ADAMTSL1: variants seen among roughly 807,000 people sequenced by gnomAD.
ADAMTSL1 encodes ADAMTS like 1, also known as ADAMTS-like protein 1.
A neutral mutation model predicts 201.8 loss-of-function variants in ADAMTSL1; 126 were observed. The ratio of observed to expected loss-of-function variants is 0.62; its 90% CI spans 0.54 to 0.72. The LOEUF (loss-of-function observed/expected upper bound fraction) is 0.72. Ranked by LOEUF, ADAMTSL1 falls within the 30% of genes least tolerant of loss-of-function variation. ADAMTSL1 has a pLI of 0.00. For missense variants in ADAMTSL1, 2,679 were observed against 2,277.8 expected (o/e 1.18, Z -3.59); for synonymous variants, 1,121 against 903.4 (o/e 1.24, Z -4.32).
At chr9:18,600,896 C>T (rs909482931) in intron 4 of ADAMTSL1, among the ~76,000 whole-genome samples, 16 of 152,082 alleles carry the variant, frequency 1.1e-4, no homozygotes, top group African/African-American at 2.9e-4. Context: ...ATCTCATTTA[C>T]GTTATTTTTC....
rs1822367835 is a variant in ADAMTSL1, at chr9:18,795,506, A to G, written c.3787A>G (p.Ile1263Val). The change falls in exon 20 of 29, where the codon ATT becomes GTT. Residue 1263 changes from isoleucine (I) to valine (V), a missense_variant. Transcript: ENST00000380548. ...TGCCTTGGGATACGACTCTGTCTCC[A>G]TTGCCGTCACATTAGCAGGTAACCC... ...TNALGYDSVSIAVTLAGKPLV... is the reference protein window; with the variant it reads ...TNALGYDSVSVAVTLAGKPLV... 6.2e-7 allele frequency: 1 copy of G among 1,613,148 alleles called. No homozygotes were observed. Among genetic ancestry groups the G allele is most frequent in the African/African-American group, 1.3e-5 (1 of 75,010 alleles).
At chr9:18,323,683 T>A (rs1056920946) in intron 2 of ADAMTSL1, among the ~76,000 whole-genome samples, 1 of 152,212 alleles carries the variant, frequency 6.6e-6, no homozygotes, top group Admixed American at 6.5e-5. Context: ...CAGTTGTATT[T>A]CTGTATACTA....
intron 1 of ADAMTSL1, among the ~76,000 whole-genome samples, chr9:17,921,284 A>G (rs1826288670): frequency 6.6e-6 from 1 of 152,124 alleles, no homozygotes; most frequent in Non-Finnish European, 1.5e-5. Flanking sequence ...CAACAGCACC[A>G]GGTACCTCCA....
chr9:18,432,835 C>T (rs1819557296), intron 2 of ADAMTSL1, among the ~76,000 whole-genome samples: 1 of 152,124 alleles, frequency 6.6e-6, no homozygotes, highest in South Asian at 2.1e-4. Context: ...TAAAATTATG[C>T]CTGTACCTTT....
At chr9:18,739,529 A>T (rs1177654732) in intron 15 of ADAMTSL1, among the ~76,000 whole-genome samples, 3 of 152,214 alleles carry the variant, frequency 2.0e-5, no homozygotes, top group Non-Finnish European at 2.9e-5. Flanking sequence ...TGAGGGTTTC[A>T]ATTTATTCAG....
intron 23 of ADAMTSL1, among the ~76,000 whole-genome samples, chr9:18,863,562 C>A (rs7039790): frequency 0.19 from 28,709 of 152,106 alleles, 5,506 homozygotes; most frequent in African/African-American, 0.49. Context: ...ATTAAAGTTG[C>A]TTGTCTTCTC....
At chr9:18,734,426 T>C (rs971472857) in intron 15 of ADAMTSL1, among the ~76,000 whole-genome samples, 1 of 152,202 alleles carries the variant, frequency 6.6e-6, no homozygotes, top group Non-Finnish European at 1.5e-5. Flanking sequence ...CTATTTGCTC[T>C]AATCCTTGGG....
At chr9:18,606,185 T>C (rs1162730094) in intron 4 of ADAMTSL1, among the ~76,000 whole-genome samples, 1 of 152,186 alleles carries the variant, frequency 6.6e-6, no homozygotes, top group Non-Finnish European at 1.5e-5. Context: ...GGAGATGTTT[T>C]TCCTCTGTTT....
intron 2 of ADAMTSL1, among the ~76,000 whole-genome samples, chr9:18,333,333 A>G (rs900038315): frequency 6.6e-6 from 1 of 152,086 alleles, no homozygotes; most frequent in African/African-American, 2.4e-5. Flanking sequence ...TTCTCAAGGT[A>G]TCTGATGGTG....
intron 4 of ADAMTSL1, among the ~76,000 whole-genome samples, chr9:18,589,597 A>G (rs1049255129): frequency 4.6e-5 from 7 of 152,156 alleles, no homozygotes; most frequent in African/African-American, 1.4e-4. Context: ...TCTGGCTAAG[A>G]TTTCCAGTAC....
At chr9:18,329,301 C>G (rs920801604) in intron 2 of ADAMTSL1, among the ~76,000 whole-genome samples, 1 of 152,074 alleles carries the variant, frequency 6.6e-6, no homozygotes, top group East Asian at 1.9e-4. Flanking sequence ...TATAATACAC[C>G]CTAGTTTCAG....
rs577560325 is a variant in ADAMTSL1 at position 18,491,665 on chromosome 9, C to T, written c.64-13164C>T. ...ATAAATTAGAAGATGGTAGTCCTTC[C>T]CATATATACAATATCTGGATTATAT... On this transcript the variant is annotated intron_variant, in intron 1 of 28. Coordinates refer to ENST00000380548, the MANE Select transcript of ADAMTSL1 (RefSeq NM_001040272.6). Among the ~76,000 whole-genome samples the T allele has an allele frequency of 1.3e-4, 20 of 152,202 alleles. No homozygotes were observed. In the South Asian group the frequency reaches 4.2e-3, roughly 32 times the overall value.
chr9:18,408,404 G>C (rs1384038624), intron 2 of ADAMTSL1, among the ~76,000 whole-genome samples: 1 of 152,108 alleles, frequency 6.6e-6, no homozygotes, highest in African/African-American at 2.4e-5. Context: ...CCAGGAGACA[G>C]AGGTTGCAGT....
intron 2 of ADAMTSL1, among the ~76,000 whole-genome samples, chr9:18,287,631 G>A (rs377435880): frequency 0.57 from 65,147 of 113,922 alleles, 16,158 homozygotes; most frequent in South Asian, 0.71. Flanking sequence ...ATACATATAC[G>A]CATATATGTA....
At chr9:18,832,390 T>C (rs559638755) in intron 23 of ADAMTSL1, among the ~76,000 whole-genome samples, 1 of 152,264 alleles carries the variant, frequency 6.6e-6, no homozygotes, top group South Asian at 2.1e-4. Flanking sequence ...AACATCAAAC[T>C]GTGGAAGCCA....
intron 1 of ADAMTSL1, among the ~76,000 whole-genome samples, chr9:18,117,288 C>T (rs946389571): frequency 1.3e-5 from 2 of 152,134 alleles, no homozygotes; most frequent in Admixed American, 1.3e-4. Context: ...GAGTTAAGGT[C>T]GTAGTCTGTT....
At chr9:18,440,360 G>A (rs886978979) in intron 2 of ADAMTSL1, among the ~76,000 whole-genome samples, 8 of 152,022 alleles carry the variant, frequency 5.3e-5, no homozygotes, top group Admixed American at 2.6e-4. Flanking sequence ...TTTAAAAGAT[G>A]TGTTAGGTTT....
intron 16 of ADAMTSL1, among the ~76,000 whole-genome samples, chr9:18,755,893 G>A (rs1819718825): frequency 6.6e-6 from 1 of 151,316 alleles, no homozygotes; most frequent in African/African-American, 2.4e-5. Flanking sequence ...CAGTTTAATA[G>A]GACCTTTAAA....
intron 1 of ADAMTSL1, among the ~76,000 whole-genome samples, chr9:18,119,172 A>G (rs1056750392): frequency 2.0e-5 from 3 of 152,210 alleles, no homozygotes; most frequent in Non-Finnish European, 4.4e-5. Context: ...AGAAAACATG[A>G]TGTAAGAAGT....
Sources: allele counts gnomAD v4.1 joint callset (sites outside exome capture counted in the v4.1 genomes callset), GRCh38; gene constraint gnomAD v4.1.1; transcripts MANE v1.5; gene names NCBI Gene and HGNC (gene_info 2026-07-23, HGNC 2026-07-21).